ACACA: variants seen among roughly 807,000 people sequenced by gnomAD.
ACACA encodes acetyl-CoA carboxylase alpha.
In ACACA, 103 loss-of-function variants were observed where a neutral mutation model predicts 296.1. The ratio of observed to expected loss-of-function variants is 0.35; its 90% confidence interval spans 0.30 to 0.41. ACACA has a LOEUF of 0.41. Ranked by LOEUF, ACACA falls within the 10% of genes least tolerant of loss-of-function variation. The pLI is 1.00. For missense variants in ACACA, 1,554 were observed against 2,989.7 expected (o/e 0.52, Z 11.20); for synonymous variants, 953 against 1,038.6 (o/e 0.92, Z 1.58).
intron 3 of ACACA, among the ~76,000 whole-genome samples, chr17:37,322,010 T>G (rs1370884281): frequency 6.6e-6 from 1 of 151,788 alleles, no homozygotes; most frequent in Non-Finnish European, 1.5e-5. Flanking sequence ...ATACTATGAC[T>G]AGTATCATGG....
chr17:37,094,581 C>CA (rs927021050), intron 54 of ACACA, among the ~76,000 whole-genome samples: 8 of 148,236 alleles, frequency 5.4e-5, no homozygotes, highest in Non-Finnish European at 1.1e-4. Flanking sequence ...CACCCCCCCC[C>CA]CCCCACACCA....
intron 9 of ACACA, among the ~76,000 whole-genome samples, chr17:37,271,380 T>C (rs2082062561): frequency 6.6e-6 from 1 of 152,090 alleles, no homozygotes; most frequent in Non-Finnish European, 1.5e-5. Context: ...CTGGGTGTGA[T>C]GGCGCATGCC....
intron 1 of ACACA, chr17:37,392,484 G>A (rs573174910): frequency 1.6e-4 from 25 of 152,260 alleles, no homozygotes; most frequent in African/African-American, 6.0e-4. Flanking sequence ...TTAAATAAGA[G>A]TTTGGTGAGA....
At chr17:37,120,417 C>G (rs1283331414) in intron 50 of ACACA, among the ~76,000 whole-genome samples, 1 of 152,050 alleles carries the variant, frequency 6.6e-6, no homozygotes, top group Non-Finnish European at 1.5e-5. Flanking sequence ...AAGCGCCCAC[C>G]ACCACGCCAG....
chr17:37,225,152 T>C (rs1159530642), intron 26 of ACACA, 47 bp from the exon 27 acceptor site: 6 of 1,110,914 alleles, frequency 5.4e-6, no homozygotes, highest in Non-Finnish European at 8.3e-6. Context: ...GGAGTGATTA[T>C]TCTAGACTCC....
chr17:37,220,442 G>A (rs1421695676), intron 29 of ACACA, among the ~76,000 whole-genome samples: 2 of 152,166 alleles, frequency 1.3e-5, no homozygotes, highest in South Asian at 2.1e-4. Context: ...ATAGCGTGTA[G>A]TTCTCTACAA....
At chr17:37,363,435 C>T (rs1377676407) in intron 1 of ACACA, among the ~76,000 whole-genome samples, 2 of 151,754 alleles carry the variant, frequency 1.3e-5, no homozygotes, top group Non-Finnish European at 2.9e-5. Flanking sequence ...CCCGCCTTGG[C>T]CTCCCAAAGT....
intron 3 of ACACA, among the ~76,000 whole-genome samples, chr17:37,306,374 T>G (rs1204786746): frequency 6.6e-6 from 1 of 152,120 alleles, no homozygotes; most frequent in African/African-American, 2.4e-5. Flanking sequence ...GTCCTCCCTG[T>G]TTTATTTACT....
intron 25 of ACACA, among the ~76,000 whole-genome samples, chr17:37,229,330 GTCTC>G (rs2079721919): frequency 6.6e-6 from 1 of 151,982 alleles, no homozygotes; most frequent in Non-Finnish European, 1.5e-5. Context: ...TTAAGACGGA[GTCTC>G]TCTCTGTTCC....
chr17:37,287,251 C>G (rs1394960133), intron 3 of ACACA, among the ~76,000 whole-genome samples: 2 of 152,192 alleles, frequency 1.3e-5, no homozygotes, highest in Admixed American at 1.3e-4. Context: ...AATCTTCCCA[C>G]ATGCAGCACA....
At chr17:37,271,480 A>C (rs2082067588) in intron 9 of ACACA, among the ~76,000 whole-genome samples, 1 of 152,032 alleles carries the variant, frequency 6.6e-6, no homozygotes, top group Admixed American at 6.6e-5. Flanking sequence ...ACGCCATTGC[A>C]CTCCAGCCTG....
chr17:37,307,596 TG>T (rs1175492973), intron 3 of ACACA, among the ~76,000 whole-genome samples: 5 of 152,130 alleles, frequency 3.3e-5, no homozygotes, highest in African/African-American at 1.2e-4. Context: ...TGTTTTGTTT[TG>T]TTTTGCTTTG....
At chr17:37,382,407 C>T (rs1597758599) in intron 1 of ACACA, among the ~76,000 whole-genome samples, 1 of 151,444 alleles carries the variant, frequency 6.6e-6, no homozygotes, top group African/African-American at 2.4e-5. Context: ...ACTGGCAGTC[C>T]CCTAGATGCT....
chr17:37,381,567 T>C (rs1194628248), intron 1 of ACACA, among the ~76,000 whole-genome samples: 2 of 151,792 alleles, frequency 1.3e-5, no homozygotes, highest in East Asian at 1.9e-4. Flanking sequence ...TACTTTTTTA[T>C]ATTTGCCTCA....
chr17:37,292,606 AG>A (rs1225323115), intron 3 of ACACA, among the ~76,000 whole-genome samples: 25 of 152,272 alleles, frequency 1.6e-4, no homozygotes, highest in Non-Finnish European at 2.9e-5. Flanking sequence ...CTGTAATCCC[AG>A]CACTTCGGGA....
chr17:37,243,626 G>A, intron 21 of ACACA, 67 bp from the exon 22 acceptor site: 1 of 1,537,856 alleles, frequency 6.5e-7, no homozygotes, highest in Non-Finnish European at 9.0e-7. Flanking sequence ...AAGATATATA[G>A]TTGTCATTCT....
chr17:37,100,450 C>T (rs1253171360), intron 52 of ACACA, among the ~76,000 whole-genome samples: 9 of 151,916 alleles, frequency 5.9e-5, no homozygotes, highest in African/African-American at 1.2e-4. Flanking sequence ...AAAGCAGAAT[C>T]GAAATCTAAC....
intron 2 of ACACA, among the ~76,000 whole-genome samples, chr17:37,335,024 G>A (rs1186789804): frequency 1.3e-5 from 2 of 152,090 alleles, no homozygotes; most frequent in African/African-American, 2.4e-5. Context: ...TCTGATGGGG[G>A]TGGAGTTCAA....
At chr17:37,304,515 C>T (rs1429755746) in intron 3 of ACACA, among the ~76,000 whole-genome samples, 1 of 152,120 alleles carries the variant, frequency 6.6e-6, no homozygotes, top group Non-Finnish European at 1.5e-5. Flanking sequence ...ATTTAAGGGG[C>T]CAGGCGCGGT....
Sources: gnomAD v4.1 joint callset for allele counts (sites outside exome capture counted in the v4.1 genomes callset) on GRCh38, gnomAD v4.1.1 for gene constraint, MANE v1.5 for transcripts, NCBI Gene and HGNC (gene_info 2026-07-23, HGNC 2026-07-21) for gene names.